IL23R: variants seen among roughly 807,000 people sequenced by gnomAD.
IL23R encodes interleukin-23 receptor.
A neutral mutation model predicts 56.9 loss-of-function variants in IL23R; 34 were observed. That is an observed-to-expected ratio of 0.60 (90% CI 0.45 to 0.80). The LOEUF is 0.80. IL23R is among the 30% of genes least tolerant of loss of function. The pLI, the probability that IL23R is intolerant of heterozygous loss-of-function variation, is 0.00. For missense variants in IL23R, 635 were observed against 730.0 expected (o/e 0.87, Z 1.50); for synonymous variants, 230 against 249.2 (o/e 0.92, Z 0.73).
intron 1 of IL23R, among the ~76,000 whole-genome samples, chr1:67,158,310 T>C (rs1465428173): frequency 1.3e-5 from 2 of 151,476 alleles, no homozygotes; most frequent in African/African-American, 4.9e-5. Context: ...CCCAGGAGGG[T>C]TCTTGGTTTC....
chr1:67,213,587 T>C (rs1649640249), intron 6 of IL23R, among the ~76,000 whole-genome samples: 2 of 152,050 alleles, frequency 1.3e-5, no homozygotes, highest in South Asian at 2.1e-4. Context: ...AGCTGAAAAA[T>C]TTCTGTCACC....
chr1:67,153,589 T>C (rs887386935), intron 1 of IL23R, among the ~76,000 whole-genome samples: 4 of 152,208 alleles, frequency 2.6e-5, no homozygotes, highest in African/African-American at 9.7e-5. Flanking sequence ...CATTTAGTCC[T>C]GTAAATTTCC....
At chr1:67,138,816 G>C (rs185323899), upstream of IL23R, 1 of 152,262 alleles carries the variant, frequency 6.6e-6, no homozygotes, top group Non-Finnish European at 1.5e-5. Flanking sequence ...GCAGCCCCCT[G>C]GTTCTAAGGA....
intron 8 of IL23R, among the ~76,000 whole-genome samples, chr1:67,239,616 C>CTTTTTTA (rs1025054060): frequency 2.6e-5 from 4 of 152,012 alleles, no homozygotes; most frequent in African/African-American, 9.7e-5. Flanking sequence ...ATTTTGATTT[C>CTTTTTTA]TTTTTTATTT....
chr1:67,169,432 C>T lies in IL23R; in HGVS notation c.161C>T (p.Ala54Val). The T allele has an allele frequency of 6.2e-7, 1 of 1,613,050 alleles. No homozygotes were observed. The highest frequency in any genetic ancestry group is 8.5e-7 in the Non-Finnish European group (1 of 1,179,036). Residue 54 changes from alanine to valine, a missense_variant, in exon 3 of 11, where the codon GCA becomes GTA. Ala to Val is a moderately conservative substitution (Grantham distance 64). Coordinates refer to ENST00000347310, the MANE Select transcript of IL23R (RefSeq NM_144701.3). ...ATGAATATCTCTATATATTGCCAAG[C>T]AGCAATTAAGAACTGCCAACCAAGG... The part of the protein sequence containing the change: ...MGMNISIYCQ[A>V]AIKNCQPRKL...
Position 67,148,075 on chromosome 1 carries a change from C to T in IL23R, c.-634+8914C>T, listed in dbSNP as rs532044507. Reference sequence around the variant, plus strand: ...GGAACCCAGCCACTAGTGTTCAGCTCGATTGGGATGAACCTGGGCACTTAG... The same window carrying T: ...GGAACCCAGCCACTAGTGTTCAGCTTGATTGGGATGAACCTGGGCACTTAG... On this transcript the variant is annotated intron_variant, in intron 1 of 10. Transcript: ENST00000637002. 8.5e-5 allele frequency among the ~76,000 whole-genome samples: 13 copies of T among 152,310 alleles called. No homozygotes were observed. The East Asian group carries it at 1.9e-3, about 23-fold the overall frequency.
chr1:67,138,908 A>C (rs932709091), exon 1 of IL23R: 1 of 152,332 alleles, frequency 6.6e-6, no homozygotes, highest in African/African-American at 2.4e-5. Context: ...CAGGTGACTA[A>C]TGGGAGGCCA....
Position 67,222,084 on chromosome 1 carries a change from C to CTT in IL23R, c.955+2355_955+2356insTT, listed in dbSNP as rs1558251136. Among the ~76,000 whole-genome samples the CTT allele has an allele frequency of 6.7e-3, 827 of 123,694 alleles. 17 individuals are homozygous for CTT. Among genetic ancestry groups the CTT allele is most frequent in the African/African-American group, 0.026 (794 of 31,058 alleles). The allele number at this position is 123,694 out of a possible 152,430, so 81.1% of individuals were successfully genotyped here. ...AAACAACTTATTAGGGAATCCTTTT[C>CTT]TCTTTCTTTCTTTCTTTCTTTTTTT... is the stretch of plus-strand genomic sequence containing the variant. On this transcript the variant is annotated intron_variant, in intron 7 of 10. Coordinates refer to ENST00000347310, the MANE Select transcript of IL23R (RefSeq NM_144701.3).
At chr1:67,184,646 C>CT (rs547745841) in intron 4 of IL23R, among the ~76,000 whole-genome samples, 1,657 of 147,510 alleles carry the variant, frequency 0.011, 28 homozygotes, top group African/African-American at 0.037. Flanking sequence ...TTGAAGTATG[C>CT]TTTTTTTTTT....
intron 4 of IL23R, among the ~76,000 whole-genome samples, chr1:67,199,405 G>C (rs1558239539): frequency 6.6e-6 from 1 of 152,098 alleles, no homozygotes; most frequent in Admixed American, 6.6e-5. Flanking sequence ...TGTCCTGATA[G>C]AAATGTCTGA....
At chr1:67,230,959 C>T (rs188679832) in intron 7 of IL23R, among the ~76,000 whole-genome samples, 5 of 151,596 alleles carry the variant, frequency 3.3e-5, no homozygotes, top group South Asian at 2.1e-4. Flanking sequence ...AAAGGAGATG[C>T]GAAAGAGAGA....
At chr1:67,235,734 C>A (rs748328659) in intron 7 of IL23R, among the ~76,000 whole-genome samples, 20 of 152,118 alleles carry the variant, frequency 1.3e-4, no homozygotes, top group African/African-American at 4.6e-4. Flanking sequence ...CCGTAGAAAC[C>A]TTTTCATTGG....
At chr1:67,219,310 G>A (rs993082729) in intron 6 of IL23R, among the ~76,000 whole-genome samples, 2 of 152,184 alleles carry the variant, frequency 1.3e-5, no homozygotes, top group African/African-American at 4.8e-5. Context: ...GGAGGTTGCA[G>A]TGAACTGAGA....
chr1:67,226,361 G>A (rs1195660334), intron 7 of IL23R, among the ~76,000 whole-genome samples: 1 of 152,212 alleles, frequency 6.6e-6, no homozygotes, highest in Non-Finnish European at 1.5e-5. Context: ...TTTATTGAGT[G>A]GTGGAGGTGG....
chr1:67,222,102 C>CTTTTTTTTTTT (rs72241835), intron 7 of IL23R, among the ~76,000 whole-genome samples: 183 of 58,900 alleles, frequency 3.1e-3, no homozygotes, highest in Non-Finnish European at 4.1e-3. Flanking sequence ...TTCTTTCTTT[C>CTTTTTTTTTTT]TTTTTTTTTT....
upstream of IL23R, among the ~76,000 whole-genome samples, chr1:67,164,049 ACAAC>A (rs1046019069): frequency 6.6e-6 from 1 of 152,238 alleles, no homozygotes; most frequent in African/African-American, 2.4e-5. Context: ...AGCAAAGAAA[ACAAC>A]CAACAAAATA....
intron 6 of IL23R, among the ~76,000 whole-genome samples, chr1:67,218,309 T>C (rs961625784): frequency 6.9e-6 from 1 of 144,804 alleles, no homozygotes; most frequent in Admixed American, 7.2e-5. Context: ...TATATACATA[T>C]ATACACATAT....
At chr1:67,202,592 T>C (rs1263083052) in intron 5 of IL23R, among the ~76,000 whole-genome samples, 1 of 152,156 alleles carries the variant, frequency 6.6e-6, no homozygotes, top group Non-Finnish European at 1.5e-5. Context: ...GTAGATGAGA[T>C]TATAATTTAT....
intron 9 of IL23R, among the ~76,000 whole-genome samples, chr1:67,240,914 G>A (rs1283297640): frequency 2.0e-5 from 3 of 152,204 alleles, no homozygotes; most frequent in Non-Finnish European, 2.9e-5. Flanking sequence ...ATTGGCATTT[G>A]CCTTATTTGA....
Sources: allele counts gnomAD v4.1 joint callset (sites outside exome capture counted in the v4.1 genomes callset), GRCh38; gene constraint gnomAD v4.1.1; transcripts MANE v1.5; gene names NCBI Gene and HGNC (gene_info 2026-07-23, HGNC 2026-07-21).